SLC25A42: variants seen among roughly 807,000 people sequenced by gnomAD.
SLC25A42 encodes solute carrier family 25 member 42.
A neutral mutation model predicts 34.7 loss-of-function variants in SLC25A42; 19 were observed. The observed-to-expected ratio is 0.55, with a 90% CI of 0.38 to 0.80. SLC25A42 has a LOEUF of 0.80. SLC25A42 is among the 30% of genes least tolerant of loss of function. The pLI is 0.00. For missense variants in SLC25A42, 364 were observed against 441.3 expected, an observed-to-expected ratio of 0.82 and a Z score of 1.57; for synonymous variants, 205 against 191.2, an observed-to-expected ratio of 1.07 and a Z score of -0.59.
chr19:19,074,752 C>T (rs1175981365), intron 1 of SLC25A42, among the ~76,000 whole-genome samples: 7 of 151,408 alleles, frequency 4.6e-5, no homozygotes, highest in Middle Eastern at 3.2e-3. Flanking sequence ...TATGTGTGAG[C>T]GAGTGTGAGT....
At chr19:19,098,237 C>T (rs1054634029) in intron 2 of SLC25A42, among the ~76,000 whole-genome samples, 3 of 152,176 alleles carry the variant, frequency 2.0e-5, no homozygotes, top group East Asian at 1.9e-4. Flanking sequence ...CCCCAACACA[C>T]GTCCTCCAGG....
intron 6 of SLC25A42, among the ~76,000 whole-genome samples, 200 bp from the exon 7 acceptor site, chr19:19,107,694 G>T (rs560036578): frequency 6.6e-6 from 1 of 152,294 alleles, no homozygotes; most frequent in East Asian, 1.9e-4. Flanking sequence ...GGCGAAGGTG[G>T]AGTCTGGGCT....
At chr19:19,105,537 G>A in intron 4 of SLC25A42, 24 bp from the exon 5 acceptor site, 4 of 1,601,956 alleles carry the variant, frequency 2.5e-6, no homozygotes, top group Non-Finnish European at 3.4e-6. Context: ...GCAGAGGGAT[G>A]TTGACCTTCC....
chr19:19,106,305 A>C lies in SLC25A42; in HGVS notation c.417A>C (p.Ala139=). 1 of 1,613,180 alleles carries C rather than the reference A, an allele frequency of 6.2e-7. No homozygotes were observed. The highest frequency in any genetic ancestry group is 2.2e-5 in the East Asian group (1 of 44,850). The part of the protein sequence containing the change: ...LPPWPRLFAG[A]LAGTTAASLT... The stretch of plus-strand genomic sequence containing the variant: ...CTTGGCCTCGCCTCTTCGCCGGCGC[A>C]CTGGCTGGAACGACAGCCGCTTCAC... The change falls in exon 6 of 8, where the codon GCA becomes GCC. Residue 139 remains alanine (A), a synonymous_variant. Coordinates refer to ENST00000318596, the MANE Select transcript of SLC25A42 (RefSeq NM_178526.5).
intron 3 of SLC25A42, among the ~76,000 whole-genome samples, chr19:19,102,299 G>A (rs1057040852): frequency 1.4e-4 from 21 of 151,288 alleles, no homozygotes; most frequent in East Asian, 5.9e-4. Context: ...TTGAGCCACC[G>A]CCCCCGGCCA....
At chr19:19,064,380 C>A (rs1291464577) in intron 1 of SLC25A42, among the ~76,000 whole-genome samples, 1 of 151,518 alleles carries the variant, frequency 6.6e-6, no homozygotes, top group Non-Finnish European at 1.5e-5. Context: ...GGGCCTTGTC[C>A]CCGGCGCCCC....
chr19:19,067,507 C>G (rs998857365), intron 1 of SLC25A42, among the ~76,000 whole-genome samples: 2 of 152,038 alleles, frequency 1.3e-5, no homozygotes, highest in Non-Finnish European at 2.9e-5. Context: ...TGCTTGAGCC[C>G]AGGAGTTCAA....
chr19:19,106,173 C>G, intron 5 of SLC25A42, 96 bp from the exon 6 acceptor site: 1 of 1,079,812 alleles, frequency 9.3e-7, no homozygotes, highest in Non-Finnish European at 1.4e-6. Context: ...ACCCCTGTCC[C>G]CGCCCCAGCA....
At chr19:19,066,539 C>G (rs1320226701) in intron 1 of SLC25A42, among the ~76,000 whole-genome samples, 1 of 151,692 alleles carries the variant, frequency 6.6e-6, no homozygotes, top group Non-Finnish European at 1.5e-5. Flanking sequence ...AGCTCCGCCT[C>G]CCAAGTTCAA....
chr19:19,107,804 C>CCGGCTT (rs2059840191), intron 6 of SLC25A42, 90 bp from the exon 7 acceptor site: 3 of 1,400,544 alleles, frequency 2.1e-6, no homozygotes, highest in East Asian at 4.6e-5. Context: ...CCAGGCCCAG[C>CCGGCTT]CGGCTTCGGG....
chr19:19,069,169 T>G (rs1466308763), intron 1 of SLC25A42, among the ~76,000 whole-genome samples: 1 of 152,216 alleles, frequency 6.6e-6, no homozygotes, highest in Non-Finnish European at 1.5e-5. Flanking sequence ...AAAATATGCT[T>G]GTCAACATTT....
chr19:19,074,715 G>A (rs539908836), intron 1 of SLC25A42, among the ~76,000 whole-genome samples: 6 of 151,814 alleles, frequency 4.0e-5, no homozygotes, highest in Admixed American at 6.6e-5. Flanking sequence ...GTGTGTGTGC[G>A]TGCGTGTATG....
Position 19,067,436 on chromosome 19 carries a change from T to C in SLC25A42, c.-35+3321T>C, listed in dbSNP as rs12104207. Among the ~76,000 whole-genome samples, 653 of 151,962 alleles carry C rather than the reference T, an allele frequency of 4.3e-3. 7 individuals carry two copies. The highest frequency in any genetic ancestry group is 0.015 in the African/African-American group (631 of 41,454). ...ATCTCTATAAAAAAAATTTTAAAATTAGCCGGGCGTGGTGGCGTGCGTAAA... is the reference window on the plus strand; with the variant it reads ...ATCTCTATAAAAAAAATTTTAAAATCAGCCGGGCGTGGTGGCGTGCGTAAA... On this transcript the variant is annotated intron_variant, in intron 1 of 7. Transcript: ENST00000318596.
intron 1 of SLC25A42, among the ~76,000 whole-genome samples, chr19:19,071,572 G>A (rs1449916108): frequency 6.6e-6 from 1 of 152,164 alleles, no homozygotes; most frequent in Non-Finnish European, 1.5e-5. Flanking sequence ...AGGGCTAGCA[G>A]AAAGCAAAAT....
chr19:19,110,736 A>T lies in SLC25A42; in HGVS notation c.817A>T (p.Thr273Ser). 6.2e-7 allele frequency: 1 copy of T among 1,611,472 alleles called. No homozygotes were observed. The highest frequency in any genetic ancestry group is 8.5e-7 in the Non-Finnish European group (1 of 1,179,192). The change falls in exon 8 of 8, where the codon ACC (threonine) becomes TCC (serine). Residue 273 changes from threonine to serine, a missense_variant. Coordinates refer to ENST00000318596, the MANE Select transcript of SLC25A42 (RefSeq NM_178526.5). ...CGCCTCCATCGCCCGCACGCTGCGC[A>T]CCATCGTGCGGGAGGAGGGCGCCGT... ...PRASIARTLR[T>S]IVREEGAVRG...
Position 19,085,248 on chromosome 19 carries a change from G to A in SLC25A42, c.-34-10843G>A, listed in dbSNP as rs115557845. 3.5e-3 allele frequency among the ~76,000 whole-genome samples: 526 copies of A among 152,332 alleles called. 3 individuals carry two copies. Among genetic ancestry groups the A allele is most frequent in the African/African-American group, 0.012 (503 of 41,568 alleles). ...GCCCAGCTAGGCCCCACCAGCCAGT[G>A]GCTGTGGCCTCAGGCAAGCACTCAG... is the stretch of plus-strand genomic sequence containing the variant. On this transcript the variant is annotated intron_variant, in intron 1 of 7. Coordinates refer to ENST00000318596, the MANE Select transcript of SLC25A42 (RefSeq NM_178526.5).
At chr19:19,066,178 A>G (rs2059600995) in intron 1 of SLC25A42, among the ~76,000 whole-genome samples, 1 of 151,876 alleles carries the variant, frequency 6.6e-6, no homozygotes, top group Admixed American at 6.5e-5. Context: ...TAAAAAGAAA[A>G]AATCAAACAG....
At chr19:19,070,283 CCCTG>C (rs983374629) in intron 1 of SLC25A42, among the ~76,000 whole-genome samples, 2 of 148,774 alleles carry the variant, frequency 1.3e-5, no homozygotes, top group African/African-American at 4.9e-5. Context: ...GTGTGAGCCA[CCCTG>C]CCTGGCCATT....
chr19:19,067,431 A>T (rs1403939379), intron 1 of SLC25A42, among the ~76,000 whole-genome samples: 5 of 152,240 alleles, frequency 3.3e-5, no homozygotes, highest in African/African-American at 7.2e-5. Context: ...AAAAAATTTT[A>T]AAATTAGCCG....
Sources: allele counts gnomAD v4.1 joint callset (sites outside exome capture counted in the v4.1 genomes callset), GRCh38; gene constraint gnomAD v4.1.1; transcripts MANE v1.5; gene names NCBI Gene and HGNC (gene_info 2026-07-23, HGNC 2026-07-21).